The following CNTN6 variants were observed in gnomAD, a reference collection of about 807,000 sequenced individuals.
CNTN6 encodes the protein contactin-6.
In CNTN6, 137 loss-of-function variants were observed where a neutral mutation model predicts 122.8. The observed-to-expected ratio is 1.12, with a 90% CI of 0.97 to 1.29. CNTN6 has a LOEUF of 1.29. CNTN6 is among the 50% of genes most tolerant of loss of function. The pLI is 0.00. For missense variants in CNTN6, 1,634 were observed against 1,223.4 expected (o/e 1.34, Z -5.01); for synonymous variants, 570 against 426.0 (o/e 1.34, Z -4.16).
intron 1 of CNTN6, among the ~76,000 whole-genome samples, chr3:1,126,706 C>A (rs1337444187): frequency 6.6e-6 from 1 of 151,854 alleles, no homozygotes; most frequent in Non-Finnish European, 1.5e-5. Flanking sequence ...TGGCTGCAGA[C>A]ACCACATTTT....
rs140578038 is a variant in CNTN6 at position 1,349,073 on chromosome 3, G to A, written c.1365-3251G>A. ...TTAGAAAGTATTTGCTGATTAAGAA[G>A]GAAAAAATATCTTAACATTGCTCCA... is the stretch of plus-strand genomic sequence containing the variant. On this transcript the variant is annotated intron_variant, in intron 11 of 22. Coordinates refer to ENST00000446702, the MANE Select transcript of CNTN6 (RefSeq NM_001289080.2). Among the ~76,000 whole-genome samples, 480 of 151,942 alleles carry A rather than the reference G, an allele frequency of 3.2e-3. 7 individuals are homozygous for A. Among genetic ancestry groups the A allele is most frequent in the African/African-American group, 0.011 (452 of 41,516 alleles).
intron 1 of CNTN6, among the ~76,000 whole-genome samples, chr3:1,119,356 G>C (rs911125176): frequency 2.0e-3 from 17 of 8,366 alleles, no homozygotes; most frequent in Non-Finnish European, 3.2e-3. Flanking sequence ...TGTGTGTGGA[G>C]AATGTCTCTT....
chr3:1,372,306 T>G lies in CNTN6; in HGVS notation c.1500T>G (p.Thr500=). 1 of 1,600,654 alleles carries G rather than the reference T, an allele frequency of 6.2e-7. No individual in the cohort carries two copies. The change falls in exon 13 of 23, where the codon ACT becomes ACG. Residue 500 remains threonine (T), a synonymous_variant. Transcript: ENST00000446702. ...AATTTTTTTTCTCAACAGAGAGAAC[T>G]GTCATTACCGTCCCACCTTCCAAAA... ...NTGSLIVKER[T]VITVPPSKMD... is the part of the protein sequence containing the mutation.
At chr3:1,248,903 A>G (rs1476317813) in intron 4 of CNTN6, among the ~76,000 whole-genome samples, 1 of 152,202 alleles carries the variant, frequency 6.6e-6, no homozygotes, top group African/African-American at 2.4e-5. Context: ...TTGATGCCAG[A>G]CATTCTGACA....
chr3:1,272,636 C>T (rs1263613294), intron 4 of CNTN6, among the ~76,000 whole-genome samples: 1 of 152,134 alleles, frequency 6.6e-6, no homozygotes, highest in East Asian at 1.9e-4. Context: ...CTATCTCCAG[C>T]TTTTCAGGTG....
chr3:1,094,840 A>C (rs1284164148), intron 1 of CNTN6, among the ~76,000 whole-genome samples: 1 of 151,992 alleles, frequency 6.6e-6, no homozygotes, highest in Non-Finnish European at 1.5e-5. Context: ...ATGTGAGGAG[A>C]AGGAATACAA....
chr3:1,218,704 T>G (rs148006166), intron 2 of CNTN6, among the ~76,000 whole-genome samples: 6 of 152,170 alleles, frequency 3.9e-5, no homozygotes, highest in Non-Finnish European at 8.8e-5. Context: ...TAAATCACCA[T>G]AAATGAACAC....
rs372441990 is a variant in CNTN6 at position 1,276,430 on chromosome 3, T to G, written c.359-1983T>G. ...GGTATGATTCAACGATGTGCGCTGC[T>G]GTATTATTAGATTATTTCCAATCCA... On this transcript the variant is annotated intron_variant, in intron 4 of 22. Coordinates refer to ENST00000446702, the MANE Select transcript of CNTN6 (RefSeq NM_001289080.2). Among the ~76,000 whole-genome samples, 16 of 152,356 alleles carry G rather than the reference T, an allele frequency of 1.1e-4. 1 individual carries two copies. Among genetic ancestry groups the G allele is most frequent in the African/African-American group, 3.8e-4 (16 of 41,596 alleles).
intron 12 of CNTN6, among the ~76,000 whole-genome samples, chr3:1,367,195 T>C (rs942574360): frequency 2.0e-5 from 3 of 152,142 alleles, no homozygotes; most frequent in Non-Finnish European, 1.5e-5. Flanking sequence ...TGGGTAATTT[T>C]GAAATATGTA....
At chr3:1,175,175 T>G (rs550213670) in intron 2 of CNTN6, among the ~76,000 whole-genome samples, 3 of 132,284 alleles carry the variant, frequency 2.3e-5, no homozygotes, top group Admixed American at 9.5e-5. Flanking sequence ...CAGACTACGG[T>G]GAGTACCACT....
rs765012322 is a variant in CNTN6, at chr3:1,352,457, A to G, written c.1492+6A>G. On this transcript the variant is annotated splice_donor_region_variant and intron_variant, in intron 12 of 22. Coordinates refer to ENST00000446702, the MANE Select transcript of CNTN6 (RefSeq NM_001289080.2). ...TGGCAGCCTCATTGTAAAAGGTATC[A>G]TATTATCTTCATTTGTGCTTGATGA... is the stretch of plus-strand genomic sequence containing the variant. The G allele has an allele frequency of 1.6e-5, 26 of 1,609,468 alleles. No homozygotes were observed. The highest frequency in any genetic ancestry group is 7.7e-5 in the South Asian group (7 of 90,958).
chr3:1,353,285 T>C (rs746144288), intron 12 of CNTN6, among the ~76,000 whole-genome samples: 6 of 151,704 alleles, frequency 4.0e-5, no homozygotes, highest in Non-Finnish European at 7.4e-5. Flanking sequence ...CATTTGGTGC[T>C]TTCTCATCTT....
At chr3:1,361,661 T>C (rs1427865872) in intron 12 of CNTN6, among the ~76,000 whole-genome samples, 1 of 152,124 alleles carries the variant, frequency 6.6e-6, no homozygotes, top group African/African-American at 2.4e-5. Context: ...GAAACATTAA[T>C]AATAAAGGAG....
At chr3:1,169,033 G>A (rs2093313023) in intron 2 of CNTN6, among the ~76,000 whole-genome samples, 1 of 152,136 alleles carries the variant, frequency 6.6e-6, no homozygotes, top group Non-Finnish European at 1.5e-5. Context: ...TGGAGACAAA[G>A]CAGGCCAGAA....
intron 4 of CNTN6, among the ~76,000 whole-genome samples, chr3:1,253,090 T>C (rs1004261957): frequency 6.6e-6 from 1 of 152,178 alleles, no homozygotes; most frequent in Non-Finnish European, 1.5e-5. Flanking sequence ...TCATCCTCTT[T>C]TATTTTGCCA....
chr3:1,111,501 A>G (rs2091478865), intron 1 of CNTN6, among the ~76,000 whole-genome samples: 1 of 152,210 alleles, frequency 6.6e-6, no homozygotes, highest in Admixed American at 6.6e-5. Flanking sequence ...AGAATTCAAA[A>G]CCAGGCAGGC....
At chr3:1,250,384 G>C (rs2094645330) in intron 4 of CNTN6, among the ~76,000 whole-genome samples, 1 of 152,120 alleles carries the variant, frequency 6.6e-6, no homozygotes, top group Non-Finnish European at 1.5e-5. Flanking sequence ...ATAGTTAACA[G>C]GGGAAAATGT....
chr3:1,327,370 T>C lies in CNTN6; in HGVS notation c.1084-87T>C, dbSNP rs1575716833. 3.7e-6 allele frequency: 5 copies of C among 1,345,266 alleles called. No individual in the cohort carries two copies. The South Asian group carries it at 6.3e-5, about 17-fold the overall frequency. The allele number at this position is 1,345,266 out of a possible 1,614,324, so 83.3% of individuals were successfully genotyped here. On this transcript the variant is annotated intron_variant, in intron 9 of 22. Coordinates refer to ENST00000446702, the MANE Select transcript of CNTN6 (RefSeq NM_001289080.2). ...ACCAAATTATCAGATCTCATAGATATACACAAATGTTGTTTAATAACATAT... is the reference window on the plus strand; with the variant it reads ...ACCAAATTATCAGATCTCATAGATACACACAAATGTTGTTTAATAACATAT...
In CNTN6 at chr3:1,372,911, C is replaced by T; in HGVS notation, c.1742C>T (p.Thr581Ile). Residue 581 changes from threonine to isoleucine, a missense_variant, in exon 14 of 23, where the codon ACA (threonine) becomes ATA (isoleucine). By Grantham distance (89) the Thr-to-Ile change is moderately conservative (BLOSUM62 -1). Transcript: ENST00000446702. Reference sequence around the variant, plus strand: ...GGAAAATATCTCTGCACAGTACAAACAACCCTAGAAAGTTTATCTGCAGTA... The same window carrying T: ...GGAAAATATCTCTGCACAGTACAAATAACCCTAGAAAGTTTATCTGCAGTA... ...HSGKYLCTVQ[T>I]TLESLSAVAD... The T allele has an allele frequency of 6.2e-7, 1 of 1,608,720 alleles. No individual in the cohort carries two copies. Among genetic ancestry groups the T allele is most frequent in the Middle Eastern group, 1.7e-4 (1 of 6,048 alleles).
Sources: gnomAD v4.1 joint callset for allele counts (sites outside exome capture counted in the v4.1 genomes callset) on GRCh38, gnomAD v4.1.1 for gene constraint, MANE v1.5 for transcripts, NCBI Gene and HGNC (gene_info 2026-07-23, HGNC 2026-07-21) for gene names.